ZBTB16: variants seen among roughly 807,000 people sequenced by gnomAD.
The protein encoded by ZBTB16 is zinc finger and BTB domain containing 16.
ZBTB16 carries 8 observed loss-of-function variants against 56.8 expected under a neutral mutation model. That is an observed-to-expected ratio of 0.14 (90% confidence interval 0.08 to 0.25). The LOEUF is 0.25. Ranked by LOEUF, ZBTB16 falls within the 10% of genes least tolerant of loss-of-function variation. ZBTB16 has a pLI of 1.00. For missense variants in ZBTB16, 625 were observed against 903.0 expected (o/e 0.69, Z 3.95); for synonymous variants, 363 against 368.5 (o/e 0.98, Z 0.17).
At position 114,060,652 on chromosome 11, in the gene ZBTB16, C is replaced by G. The variant is rs1565600317; in HGVS notation, c.-91+770C>G. On this transcript the variant is annotated intron_variant, in intron 1 of 6. Coordinates refer to ENST00000335953, the MANE Select transcript of ZBTB16 (RefSeq NM_006006.6). This position sits in a 1 kb window ranked among gnomAD's most constrained non-coding sequence, Gnocchi z 6.0. ...CCCACCCTGGCGCGCCCGCCGCTAG[C>G]TCGCACAGCGCCTCGCACACTCCCG... 1.3e-5 allele frequency: 2 copies of G among 152,298 alleles called. No individual in the cohort carries two copies. Among genetic ancestry groups the G allele is most frequent in the Non-Finnish European group, 2.9e-5 (2 of 68,156 alleles). The allele number at this position is 152,298 out of a possible 1,614,324, so 9.4% of individuals were successfully genotyped here.
At chr11:114,138,784 G>C (rs1035610204) in intron 2 of ZBTB16, among the ~76,000 whole-genome samples, 2 of 151,852 alleles carry the variant, frequency 1.3e-5, no homozygotes, top group African/African-American at 4.8e-5. Context: ...TCTGTCTCCC[G>C]AGTTCAAGAG....
intron 3 of ZBTB16, among the ~76,000 whole-genome samples, chr11:114,166,198 CTACGTG>C (rs1478996987): frequency 7.5e-6 from 1 of 133,206 alleles, no homozygotes; most frequent in Non-Finnish European, 1.6e-5. Context: ...GAGGACTGGT[CTACGTG>C]TGTGTGTGTG....
chr11:114,235,953 G>C (rs1195258199), intron 4 of ZBTB16, among the ~76,000 whole-genome samples: 1 of 151,746 alleles, frequency 6.6e-6, no homozygotes, highest in Non-Finnish European at 1.5e-5. Flanking sequence ...ATATTTGCAT[G>C]GATCCTGCCC....
chr11:114,169,763 G>C (rs1591744257), intron 3 of ZBTB16, among the ~76,000 whole-genome samples: 1 of 152,326 alleles, frequency 6.6e-6, no homozygotes, highest in East Asian at 1.9e-4. Flanking sequence ...ATTTAGAGTG[G>C]GGAGAAGCTC....
At chr11:114,191,586 C>G (rs972357699) in intron 4 of ZBTB16, among the ~76,000 whole-genome samples, 22 of 152,180 alleles carry the variant, frequency 1.4e-4, no homozygotes, top group Non-Finnish European at 2.4e-4. Flanking sequence ...CCACGACTCC[C>G]CAGCTGCCTG....
Position 114,254,583 on chromosome 11 carries a change from C to T in ZBTB16, c.*4028C>T, listed in dbSNP as rs572546450. Among the ~76,000 whole-genome samples the T allele has an allele frequency of 2.4e-4, 37 of 152,236 alleles. No individual in the cohort carries two copies. In the South Asian group the frequency reaches 7.3e-3, roughly 30 times the overall value. On this transcript the variant is annotated 3_prime_UTR_variant, in exon 7 of 7. Transcript: ENST00000335953. ...GGCAGGGTCAGGGTAGTTTCTGGGC[C>T]TGCTTCCCGGCAAGCCGAGCTAGGG... is the stretch of plus-strand genomic sequence containing the variant.
chr11:114,148,853 G>GT (rs1340056691), intron 2 of ZBTB16, among the ~76,000 whole-genome samples: 1 of 137,432 alleles, frequency 7.3e-6, no homozygotes, highest in Non-Finnish European at 1.5e-5. Context: ...AGGGGCAACT[G>GT]TTTTTTACTG....
At chr11:114,163,840 G>A (rs1942666303) in intron 3 of ZBTB16, among the ~76,000 whole-genome samples, 1 of 152,082 alleles carries the variant, frequency 6.6e-6, no homozygotes, top group African/African-American at 2.4e-5. Context: ...CTATAAATTT[G>A]TTTCCACATT....
chr11:114,229,404 C>T (rs1944393089), intron 4 of ZBTB16, among the ~76,000 whole-genome samples: 2 of 152,192 alleles, frequency 1.3e-5, no homozygotes, highest in African/African-American at 4.8e-5. Context: ...AAACTATGGG[C>T]CGCCTGGCTG....
chr11:114,248,714 T>G (rs1944861018), intron 6 of ZBTB16, among the ~76,000 whole-genome samples: 1 of 152,182 alleles, frequency 6.6e-6, no homozygotes. Context: ...AGCTCGTTTT[T>G]CGTGTCCCAG....
At chr11:114,164,465 G>C (rs1942686841) in intron 3 of ZBTB16, among the ~76,000 whole-genome samples, 1 of 152,104 alleles carries the variant, frequency 6.6e-6, no homozygotes, top group Non-Finnish European at 1.5e-5. Flanking sequence ...CCTCTCCTTT[G>C]CTCCTGCCAT....
rs766371445 is a variant in ZBTB16, at chr11:114,064,137, G to A, written c.837G>A (p.Gly279=). The change falls in exon 2 of 7, where the codon GGG becomes GGA. Residue 279 remains glycine, a synonymous_variant. Coordinates refer to ENST00000335953, the MANE Select transcript of ZBTB16 (RefSeq NM_006006.6). The surrounding 1 kb of genome is among the most constrained non-coding windows in gnomAD (Gnocchi z 4.2). ...AGGTTGAGGAAAGAGGCAAAGAGGG[G>A]CCTGGGACCCCGACTCGAAGCAGCG... The part of the protein sequence containing the change: ...GDKVEERGKE[G]PGTPTRSSVI... The A allele has an allele frequency of 2.8e-5, 45 of 1,613,772 alleles. No homozygotes were observed. Among genetic ancestry groups the A allele is most frequent in the Non-Finnish European group, 3.5e-5 (41 of 1,180,042 alleles).
intron 2 of ZBTB16, among the ~76,000 whole-genome samples, chr11:114,091,164 C>T (rs1004172764): frequency 6.6e-6 from 1 of 152,134 alleles, no homozygotes; most frequent in Non-Finnish European, 1.5e-5. Flanking sequence ...GCTTGGGCAG[C>T]ATGGTGAAAC....
intron 4 of ZBTB16, among the ~76,000 whole-genome samples, chr11:114,229,684 CATT>C (rs1944399222): frequency 6.6e-6 from 1 of 152,072 alleles, no homozygotes; most frequent in Non-Finnish European, 1.5e-5. Flanking sequence ...ATTGGCTTTT[CATT>C]ATTCCATTAT....
At chr11:114,085,881 A>G (rs993033667) in intron 2 of ZBTB16, among the ~76,000 whole-genome samples, 4 of 152,178 alleles carry the variant, frequency 2.6e-5, no homozygotes, top group Admixed American at 2.0e-4. Flanking sequence ...GACATTTGTA[A>G]GGCGCACTTG....
At chr11:114,112,445 G>A (rs561449736) in intron 2 of ZBTB16, among the ~76,000 whole-genome samples, 1 of 152,326 alleles carries the variant, frequency 6.6e-6, no homozygotes, top group African/African-American at 2.4e-5. Context: ...GAGGGATAGA[G>A]AGGGCACGAA....
At chr11:114,162,122 C>T (rs1942605937) in intron 3 of ZBTB16, among the ~76,000 whole-genome samples, 2 of 152,210 alleles carry the variant, frequency 1.3e-5, no homozygotes, top group Admixed American at 1.3e-4. Flanking sequence ...TCAGCAGCAG[C>T]ATGGAGTGGC....
At chr11:114,216,903 G>A (rs1206486596) in intron 4 of ZBTB16, among the ~76,000 whole-genome samples, 1 of 151,678 alleles carries the variant, frequency 6.6e-6, no homozygotes, top group African/African-American at 2.4e-5. Context: ...ACATAAACAG[G>A]CAATTATAAT....
chr11:114,188,613 A>G (rs1309735759), intron 4 of ZBTB16: 10 of 152,194 alleles, frequency 6.6e-5, no homozygotes, highest in African/African-American at 2.2e-4. Flanking sequence ...TGTAATAGAT[A>G]TTTATTGAGT....
Sources: gnomAD v4.1 joint callset for allele counts (sites outside exome capture counted in the v4.1 genomes callset) on GRCh38, gnomAD v4.1.1 for gene constraint, Gnocchi (gnomAD v3.1) non-coding constraint, MANE v1.5 for transcripts, NCBI Gene and HGNC (gene_info 2026-07-23, HGNC 2026-07-21) for gene names.